Variants in POU2F1 observed in about 807,000 individuals in gnomAD.
POU2F1 encodes the protein POU class 2 homeobox 1, also known as POU domain, class 2, transcription factor 1.
A neutral mutation model predicts 84.9 loss-of-function variants in POU2F1; 16 were observed. That is an observed-to-expected ratio of 0.19 (90% confidence interval 0.13 to 0.29). The LOEUF (loss-of-function observed/expected upper bound fraction) is 0.29. POU2F1 is among the 10% of genes least tolerant of loss of function. The pLI, the probability that POU2F1 is intolerant of heterozygous loss-of-function variation, is 1.00. For synonymous variants in POU2F1, 368 were observed against 368.3 expected, an observed-to-expected ratio of 1.00 and a Z score of 0.01; for missense variants, 738 against 942.6, an observed-to-expected ratio of 0.78 and a Z score of 2.84.
intron 1 of POU2F1, among the ~76,000 whole-genome samples, chr1:167,254,657 C>G (rs11583357): frequency 0.018 from 2,698 of 152,134 alleles, 43 homozygotes; most frequent in Admixed American, 0.027. Context: ...ATTTATTATC[C>G]CTGGCTTTAG....
At chr1:167,288,764 T>G (rs1274020877) in intron 1 of POU2F1, among the ~76,000 whole-genome samples, 1 of 152,234 alleles carries the variant, frequency 6.6e-6, no homozygotes, top group South Asian at 2.1e-4. Context: ...AGATATTAAC[T>G]GACCTTGCCC....
chr1:167,322,626 G>T (rs894621132), intron 1 of POU2F1, among the ~76,000 whole-genome samples: 5 of 152,208 alleles, frequency 3.3e-5, no homozygotes, highest in Non-Finnish European at 5.9e-5. Flanking sequence ...GACCAGGTCG[G>T]TCATGGAGAC....
intron 7 of POU2F1, among the ~76,000 whole-genome samples, chr1:167,381,926 T>C (rs891881118): frequency 3.3e-5 from 5 of 152,098 alleles, no homozygotes; most frequent in African/African-American, 1.2e-4. Context: ...TTTTTTATTA[T>C]TGTTTTTGAA....
intron 1 of POU2F1, among the ~76,000 whole-genome samples, chr1:167,228,690 A>G (rs1294806843): frequency 6.6e-6 from 1 of 152,236 alleles, no homozygotes; most frequent in Non-Finnish European, 1.5e-5. Context: ...TGCATTTCTT[A>G]GCCTGATTAG....
chr1:167,258,851 T>G (rs1557851590), intron 1 of POU2F1, among the ~76,000 whole-genome samples: 2 of 152,204 alleles, frequency 1.3e-5, no homozygotes, highest in Non-Finnish European at 2.9e-5. Flanking sequence ...AGGACAACAT[T>G]TTGCCTAATT....
At chr1:167,385,080 G>A (rs1469727728) in intron 8 of POU2F1, among the ~76,000 whole-genome samples, 2 of 152,096 alleles carry the variant, frequency 1.3e-5, no homozygotes, top group East Asian at 3.9e-4. Context: ...TTGAAATTAA[G>A]AAAAAGAAAT....
chr1:167,239,867 T>G (rs186040203), intron 1 of POU2F1, among the ~76,000 whole-genome samples: 1 of 152,040 alleles, frequency 6.6e-6, no homozygotes. Context: ...GATTAAAGAT[T>G]AGACTGTTCA....
intron 1 of POU2F1, among the ~76,000 whole-genome samples, chr1:167,325,069 ATG>A (rs1393379001): frequency 6.6e-6 from 1 of 152,130 alleles, no homozygotes; most frequent in Non-Finnish European, 1.5e-5. Flanking sequence ...TTTAGTTTGT[ATG>A]TGTGTGATGG....
chr1:167,237,858 C>T (rs1430148877), intron 1 of POU2F1, among the ~76,000 whole-genome samples: 3 of 131,836 alleles, frequency 2.3e-5, no homozygotes, highest in African/African-American at 8.5e-5. Flanking sequence ...CGGCTCACTT[C>T]AGCTTCCACC....
rs111503970 is a variant in POU2F1, at chr1:167,384,058, C to T, written c.813+107C>T. The T allele has an allele frequency of 3.1e-5, 27 of 884,620 alleles. 1 individual carries two copies. Among genetic ancestry groups the T allele is most frequent in the African/African-American group, 1.5e-4 (9 of 58,442 alleles). The allele number at this position is 884,620 out of a possible 1,614,324, so 54.8% of individuals were successfully genotyped here. On this transcript the variant is annotated intron_variant, in intron 8 of 15. Transcript: ENST00000367866. Reference sequence around the variant, plus strand: ...AATCTAATAAAAATAATTCGGTCTTCGAAAACTGACCAGAAAATCAAAGCT... The same window carrying T: ...AATCTAATAAAAATAATTCGGTCTTTGAAAACTGACCAGAAAATCAAAGCT...
chr1:167,392,708 G>T (rs1648515681), intron 9 of POU2F1, among the ~76,000 whole-genome samples: 1 of 152,144 alleles, frequency 6.6e-6, no homozygotes. Flanking sequence ...TTTTTGGCAT[G>T]ACCATTCCTT....
intron 1 of POU2F1, among the ~76,000 whole-genome samples, chr1:167,314,220 T>A (rs1655716613): frequency 6.8e-6 from 1 of 147,840 alleles, no homozygotes; most frequent in African/African-American, 2.6e-5. Flanking sequence ...AAAACAAAAC[T>A]TCAAAAGAAA....
At position 167,420,638 on chromosome 1, in the gene POU2F1, G is replaced by C. The variant is rs996264076; in HGVS notation, c.*4828G>C. 19 of 152,252 alleles carry C rather than the reference G, an allele frequency of 1.2e-4. No homozygotes were observed. Among genetic ancestry groups the C allele is most frequent in the Admixed American group, 9.2e-4 (14 of 15,286 alleles). 9.4% of individuals were successfully genotyped at this position (152,252 alleles called of 1,614,324 possible). A position where few individuals can be genotyped will look rare whatever the true frequency, so the allele number is the denominator to read the frequency against. ...AAGGTCATTGAGATAGGAAGACAGA[G>C]GAAAAGCCTCTTGCTGTTGTTTCTT... On this transcript the variant is annotated 3_prime_UTR_variant, in exon 16 of 16. Coordinates refer to ENST00000367866, the MANE Select transcript of POU2F1 (RefSeq NM_002697.4).
chr1:167,411,868 T>A, intron 13 of POU2F1, 91 bp from the exon 14 acceptor site: 3 of 1,186,472 alleles, frequency 2.5e-6, no homozygotes, highest in Non-Finnish European at 3.5e-6. Context: ...AGGTTAATTA[T>A]TCCATTGATT....
intron 1 of POU2F1, among the ~76,000 whole-genome samples, chr1:167,251,632 C>T (rs559778702): frequency 6.6e-6 from 1 of 152,100 alleles, no homozygotes; most frequent in South Asian, 2.1e-4. Context: ...CAGCATTTTT[C>T]CATTAAAGGG....
rs189781542 is a variant in POU2F1, at chr1:167,351,468, G to A, written c.128-13999G>A. Among the ~76,000 whole-genome samples, 103 of 135,034 alleles carry A rather than the reference G, an allele frequency of 7.6e-4. 2 individuals are homozygous for A. In the East Asian group the frequency reaches 0.018, roughly 24 times the overall value. The allele number at this position is 135,034 out of a possible 152,430, so 88.6% of individuals were successfully genotyped here. ...GGGAGGCGCAGGGTTGCAGTGAGCCGAGATCGCGCCACTGCACTCCAGCCT... is the reference window on the plus strand; with the variant it reads ...GGGAGGCGCAGGGTTGCAGTGAGCCAAGATCGCGCCACTGCACTCCAGCCT... On this transcript the variant is annotated intron_variant, in intron 2 of 15. Transcript: ENST00000367866.
At chr1:167,366,247 T>A (rs984870125) in intron 3 of POU2F1, among the ~76,000 whole-genome samples, 2 of 152,206 alleles carry the variant, frequency 1.3e-5, no homozygotes, top group African/African-American at 4.8e-5. Context: ...GGGAGCTAGA[T>A]TATCAGAGTG....
In POU2F1 at chr1:167,274,494, G is replaced by C. The variant is rs146798298; in HGVS notation, c.61+53536G>C. On this transcript the variant is annotated intron_variant, in intron 1 of 15. Transcript: ENST00000367866. ...TCTGACAAATTTCTATAGAACATGT[G>C]GGTCTATGAGGAAGGTTTCATTTTA... Among the ~76,000 whole-genome samples the C allele has an allele frequency of 1.4e-3, 211 of 152,118 alleles. 1 individual carries two copies. The highest frequency in any genetic ancestry group is 4.9e-3 in the African/African-American group (204 of 41,498).
chr1:167,346,640 G>A (rs932317092), intron 2 of POU2F1, among the ~76,000 whole-genome samples: 4 of 151,984 alleles, frequency 2.6e-5, no homozygotes, highest in South Asian at 2.1e-4. Flanking sequence ...CGGTTCACGC[G>A]CCTATGAGAA....
Sources: allele counts gnomAD v4.1 joint callset (sites outside exome capture counted in the v4.1 genomes callset), GRCh38; gene constraint gnomAD v4.1.1; transcripts MANE v1.5; gene names NCBI Gene and HGNC (gene_info 2026-07-23, HGNC 2026-07-21).